The following DRC11 variants were observed in gnomAD, a reference collection of about 807,000 sequenced individuals.
The protein encoded by DRC11 is IQ and AAA domain-containing protein 1.
At chr2:236,454,052 GC>G in the DRC11 span, among the ~76,000 whole-genome samples, 1 of 152,148 alleles carries the variant, frequency 6.6e-6, no homozygotes. The surrounding 1 kb of genome is among the most constrained non-coding windows in gnomAD (Gnocchi z 5.3). Flanking sequence ...TTCAGGTCAT[GC>G]CCCATCAGCA....
At chr2:236,348,685 T>A in the DRC11 span, among the ~76,000 whole-genome samples, 3 of 152,276 alleles carry the variant, frequency 2.0e-5, no homozygotes, top group East Asian at 5.8e-4. This position sits in a 1 kb window ranked among gnomAD's most constrained non-coding sequence, Gnocchi z 7.4. Flanking sequence ...GATTCTGGTG[T>A]GACTGGGGTG....
the DRC11 span, among the ~76,000 whole-genome samples, chr2:236,501,282 G>A: frequency 1.4e-4 from 21 of 152,272 alleles, no homozygotes; most frequent in Non-Finnish European, 1.8e-4. Context: ...ACCAGACCCC[G>A]CCTCCAGCAT....
chr2:236,317,753 G>A, the DRC11 span, among the ~76,000 whole-genome samples: 3 of 152,314 alleles, frequency 2.0e-5, no homozygotes, highest in Middle Eastern at 3.4e-3. The surrounding 1 kb of genome is among the most constrained non-coding windows in gnomAD (Gnocchi z 5.4). Flanking sequence ...AGTCTGCAAT[G>A]GCGTTTTCAG....
the DRC11 span, among the ~76,000 whole-genome samples, chr2:236,342,774 G>T: frequency 6.6e-6 from 1 of 152,198 alleles, no homozygotes; most frequent in African/African-American, 2.4e-5. The surrounding 1 kb of genome is among the most constrained non-coding windows in gnomAD (Gnocchi z 5.8). Context: ...TCTGAGTCTG[G>T]GGTGGCTCAG....
the DRC11 span, among the ~76,000 whole-genome samples, chr2:236,479,059 A>G: frequency 3.9e-5 from 6 of 152,134 alleles, no homozygotes; most frequent in Non-Finnish European, 5.9e-5. The surrounding 1 kb of genome is among the most constrained non-coding windows in gnomAD (Gnocchi z 4.1). Flanking sequence ...TCCTGACCTC[A>G]AATGATCCAC....
the DRC11 span, among the ~76,000 whole-genome samples, chr2:236,504,686 C>T: frequency 9.2e-5 from 14 of 152,230 alleles, no homozygotes; most frequent in South Asian, 2.9e-3. This position sits in a 1 kb window ranked among gnomAD's most constrained non-coding sequence, Gnocchi z 5.0. Flanking sequence ...GTTCCATAAT[C>T]CCCACGTGTT....
At chr2:236,470,956 G>T in the DRC11 span, among the ~76,000 whole-genome samples, 1 of 152,156 alleles carries the variant, frequency 6.6e-6, no homozygotes, top group African/African-American at 2.4e-5. This position sits in a 1 kb window ranked among gnomAD's most constrained non-coding sequence, Gnocchi z 5.1. Context: ...TAATTAAATA[G>T]TGGTGGGCTT....
the DRC11 span, among the ~76,000 whole-genome samples, chr2:236,417,206 C>A: frequency 2.0e-5 from 3 of 152,120 alleles, no homozygotes; most frequent in Admixed American, 2.0e-4. Context: ...CTACATCGTG[C>A]CAGATTTGGG....
the DRC11 span, among the ~76,000 whole-genome samples, chr2:236,336,318 C>G: frequency 3.9e-5 from 6 of 152,108 alleles, no homozygotes; most frequent in African/African-American, 1.2e-4. The surrounding 1 kb of genome is among the most constrained non-coding windows in gnomAD (Gnocchi z 7.3). Context: ...CAGAGAGGAC[C>G]GTATATGCCC....
the DRC11 span, chr2:236,507,142 G>T: frequency 6.7e-4 from 706 of 1,059,948 alleles, 6 homozygotes; most frequent in African/African-American, 8.6e-3. Flanking sequence ...GAGGAGGGAA[G>T]TTGAGAGGGG....
chr2:236,493,620 T>G, the DRC11 span: 1 of 548,422 alleles, frequency 1.8e-6, no homozygotes. Flanking sequence ...CCAAAAGTTA[T>G]GCAACTTCTT....
the DRC11 span, among the ~76,000 whole-genome samples, chr2:236,504,528 C>T: frequency 6.6e-6 from 1 of 152,178 alleles, no homozygotes; most frequent in Non-Finnish European, 1.5e-5. The surrounding 1 kb of genome is among the most constrained non-coding windows in gnomAD (Gnocchi z 5.0). Flanking sequence ...AGCAGCTCAT[C>T]CCTGGAGGTC....
At chr2:236,393,438 C>T in the DRC11 span, among the ~76,000 whole-genome samples, 13 of 152,152 alleles carry the variant, frequency 8.5e-5, no homozygotes, top group Admixed American at 1.3e-4. This position sits in a 1 kb window ranked among gnomAD's most constrained non-coding sequence, Gnocchi z 4.7. Context: ...ACCCACTGAC[C>T]GAGAAGGGAG....
chr2:236,460,349 G>C, the DRC11 span, among the ~76,000 whole-genome samples: 1 of 152,164 alleles, frequency 6.6e-6, no homozygotes, highest in Non-Finnish European at 1.5e-5. This position sits in a 1 kb window ranked among gnomAD's most constrained non-coding sequence, Gnocchi z 4.0. Flanking sequence ...TGGGACAACG[G>C]AGAGCGTGCT....
chr2:236,434,874 G>C, the DRC11 span, among the ~76,000 whole-genome samples: 1 of 152,140 alleles, frequency 6.6e-6, no homozygotes, highest in Admixed American at 6.5e-5. This position sits in a 1 kb window ranked among gnomAD's most constrained non-coding sequence, Gnocchi z 5.5. Context: ...TGGCAATTTA[G>C]CTGGCGGGAC....
the DRC11 span, among the ~76,000 whole-genome samples, chr2:236,410,208 G>C: frequency 7.3e-5 from 11 of 151,554 alleles, no homozygotes; most frequent in East Asian, 1.9e-3. Flanking sequence ...TTGTACCTCT[G>C]GTAGAATTCG....
chr2:236,487,570 T>C, the DRC11 span, among the ~76,000 whole-genome samples: 2 of 152,150 alleles, frequency 1.3e-5, no homozygotes, highest in African/African-American at 4.8e-5. Flanking sequence ...ACCTTACGGA[T>C]TCCTTCTAGA....
the DRC11 span, chr2:236,392,460 A>G: frequency 1.7e-6 from 1 of 589,350 alleles, no homozygotes; most frequent in Admixed American, 3.3e-5. This position sits in a 1 kb window ranked among gnomAD's most constrained non-coding sequence, Gnocchi z 5.1. Flanking sequence ...CAATATAAAC[A>G]TAAGCCTAAC....
chr2:236,465,809 G>A, the DRC11 span: 1 of 737,316 alleles, frequency 1.4e-6, no homozygotes, highest in South Asian at 1.7e-5. This position sits in a 1 kb window ranked among gnomAD's most constrained non-coding sequence, Gnocchi z 6.2. Flanking sequence ...CTTCCATAGT[G>A]TCTAGCAAAG....
Sources: allele counts gnomAD v4.1 joint callset (sites outside exome capture counted in the v4.1 genomes callset), GRCh38; gene constraint gnomAD v4.1.1; non-coding constraint Gnocchi (gnomAD v3.1); transcripts MANE v1.5; gene names NCBI Gene and HGNC (gene_info 2026-07-23, HGNC 2026-07-21).